DIDO1: variants seen among roughly 807,000 people sequenced by gnomAD.
The protein encoded by DIDO1 is death-inducer obliterator 1.
Under a neutral mutation model 99.4 loss-of-function variants are expected in DIDO1, and 16 were observed. The observed-to-expected ratio is 0.16, with a 90% CI of 0.11 to 0.24. The LOEUF is 0.24. DIDO1 is among the 10% of genes least tolerant of loss of function. The probability of loss-of-function intolerance (pLI) is 1.00; values close to 1 mark genes in which losing one functional copy is unlikely to be tolerated. For missense variants in DIDO1, 2,996 were observed against 3,014.0 expected (o/e 0.99, Z 0.14); for synonymous variants, 1,366 against 1,239.1 (o/e 1.10, Z -2.15).
intron 1 of DIDO1, among the ~76,000 whole-genome samples, chr20:62,923,375 C>T (rs2065192562): frequency 6.6e-6 from 1 of 152,066 alleles, no homozygotes; most frequent in Non-Finnish European, 1.5e-5. Flanking sequence ...TGGGGTTTCA[C>T]CATATTGGCC....
At chr20:62,900,977 C>T (rs1303831356) in intron 6 of DIDO1, among the ~76,000 whole-genome samples, 2 of 152,200 alleles carry the variant, frequency 1.3e-5, no homozygotes, top group Admixed American at 1.3e-4. Flanking sequence ...TCCTGCTTTA[C>T]CTGTTTCTTC....
Position 62,907,484 on chromosome 20 carries a change from C to A in DIDO1, c.1162-125G>T, listed in dbSNP as rs1226072270. On this transcript the variant is annotated intron_variant, in intron 4 of 15. Coordinates refer to ENST00000395343, the MANE Select transcript of DIDO1 (RefSeq NM_001193369.2). Reference sequence around the variant, plus strand: ...GTTTCAAAATGAGATACTAACAGTACTTTTAATATGAATAAACATTTTGTT... The same window carrying A: ...GTTTCAAAATGAGATACTAACAGTAATTTTAATATGAATAAACATTTTGTT... The A allele has an allele frequency of 3.8e-5, 34 of 890,224 alleles. No homozygotes were observed. In the East Asian group the frequency reaches 8.6e-4, roughly 23 times the overall value. The allele number at this position is 890,224 out of a possible 1,614,324, so 55.1% of individuals were successfully genotyped here. A position where few individuals can be genotyped will look rare whatever the true frequency, so the allele number is the denominator to read the frequency against.
At chr20:62,882,670 A>AG (rs1286271679) in intron 15 of DIDO1, among the ~76,000 whole-genome samples, 1 of 152,138 alleles carries the variant, frequency 6.6e-6, no homozygotes, top group Admixed American at 6.5e-5. Context: ...AGCCATGTGA[A>AG]GGGGGCGACT....
chr20:62,888,362 T>A (rs1236173819), intron 15 of DIDO1: 1 of 985,406 alleles, frequency 1.0e-6, no homozygotes, highest in African/African-American at 1.7e-5. Context: ...ATCAGTGCCC[T>A]GATGCAGACG....
chr20:62,919,392 T>C (rs182120799), intron 1 of DIDO1, among the ~76,000 whole-genome samples: 10 of 151,934 alleles, frequency 6.6e-5, no homozygotes, highest in South Asian at 4.2e-4. Flanking sequence ...ACACAAAAAT[T>C]AGCAGGGCTT....
chr20:62,885,317 T>C lies in DIDO1; in HGVS notation c.3542-2903A>G, dbSNP rs538644492. Among the ~76,000 whole-genome samples, 32 of 152,302 alleles carry C rather than the reference T, an allele frequency of 2.1e-4. 1 individual carries two copies. In the South Asian group the frequency reaches 6.6e-3, roughly 32 times the overall value. On this transcript the variant is annotated intron_variant, in intron 15 of 15. Transcript: ENST00000395343. ...TTACCTGGGGAAGCCTAGTGCTGAC[T>C]CTGACACAGAGGGGACATGCCACCC...
chr20:62,902,124 C>T (rs2064696385), intron 6 of DIDO1, among the ~76,000 whole-genome samples: 1 of 152,134 alleles, frequency 6.6e-6, no homozygotes, highest in South Asian at 2.1e-4. Context: ...AAAGGGGCAC[C>T]TGAGGGATGG....
chr20:62,881,471 C>T lies in DIDO1; in HGVS notation c.4485G>A (p.Glu1495=). The T allele has an allele frequency of 6.2e-7, 1 of 1,610,288 alleles. No individual in the cohort carries two copies. The highest frequency in any genetic ancestry group is 8.5e-7 in the Non-Finnish European group (1 of 1,180,000). The change falls in exon 16 of 16, where the codon GAG becomes GAA. Residue 1495 remains glutamate, a synonymous_variant. Coordinates refer to ENST00000395343, the MANE Select transcript of DIDO1 (RefSeq NM_001193369.2). This position sits in a 1 kb window ranked among gnomAD's most constrained non-coding sequence, Gnocchi z 8.3. The part of the protein sequence containing the change: ...QIEEQKRQLE[E]QEEALRQQRA... The stretch of plus-strand genomic sequence containing the variant: ...TCTGCTGCCTGAGAGCTTCTTCTTG[C>T]TCCTCCAGCTGTCTCTTCTGCTCCT...
chr20:62,915,035 C>G (rs1436151038), intron 1 of DIDO1, among the ~76,000 whole-genome samples: 1 of 152,182 alleles, frequency 6.6e-6, no homozygotes, highest in Non-Finnish European at 1.5e-5. Flanking sequence ...GAGTTTCTAG[C>G]TAGGTCCTTG....
In DIDO1 at chr20:62,881,065, G is replaced by A. The variant is rs1421633369; in HGVS notation, c.4891C>T (p.Gln1631Ter). 1.2e-6 allele frequency: 2 copies of A among 1,608,304 alleles called. No individual in the cohort carries two copies. Among genetic ancestry groups the A allele is most frequent in the South Asian group, 1.1e-5 (1 of 90,854 alleles). Residue 1631 changes from glutamine (Q) to a stop codon, truncating the protein, a stop_gained, in exon 16 of 16, where the codon CAG (glutamine) becomes TAG (stop). Coordinates refer to ENST00000395343, the MANE Select transcript of DIDO1 (RefSeq NM_001193369.2). LOFTEE classifies it low-confidence loss of function (END_TRUNC). The surrounding 1 kb of genome is among the most constrained non-coding windows in gnomAD (Gnocchi z 8.3). Reference sequence around the variant, plus strand: ...CCAGGCTCTGCCTTCCAGCCGTCCTGCTCGGACCCCGCTGGGGGCTTTTCG... The same window carrying A: ...CCAGGCTCTGCCTTCCAGCCGTCCTACTCGGACCCCGCTGGGGGCTTTTCG... ...SGEKPPAGSE[Q>*]DGWKAEPGEG... is the part of the protein sequence containing the mutation.
rs538776817 is a variant in DIDO1, at chr20:62,881,401, C to T, written c.4555G>A (p.Ala1519Thr). ...GACTTTGGTGGTGGAGACATCAAGG[C>T]GTCCGACACCGAGAAGTGGGCCATG... ...VSMAHFSVSDALMSPPPKSSL... is the reference protein window; with the variant it reads ...VSMAHFSVSDTLMSPPPKSSL... The change falls in exon 16 of 16, where the codon GCC becomes ACC. Residue 1519 changes from alanine (A) to threonine (T), a missense_variant. Around this residue, in one of 5 missense-constraint regions of DIDO1, gnomAD observed 1,562 missense variants for 1,412.6 expected, o/e 1.11. Transcript: ENST00000395343. This position sits in a 1 kb window ranked among gnomAD's most constrained non-coding sequence, Gnocchi z 8.3. 13 of 1,607,028 alleles carry T rather than the reference C, an allele frequency of 8.1e-6. No individual in the cohort carries two copies. In the South Asian group the frequency reaches 9.9e-5, roughly 12 times the overall value.
intron 1 of DIDO1, among the ~76,000 whole-genome samples, chr20:62,925,390 GA>G (rs2065232521): frequency 1.6e-4 from 24 of 152,284 alleles, no homozygotes; most frequent in Admixed American, 1.6e-3. Context: ...TGGCCCTACG[GA>G]AACCATGGAA....
intron 1 of DIDO1, among the ~76,000 whole-genome samples, chr20:62,924,652 C>G (rs1022801444): frequency 7.9e-5 from 12 of 152,190 alleles, no homozygotes; most frequent in African/African-American, 2.4e-4. Context: ...GAAACCCCAG[C>G]ACCCTCCAAG....
intron 2 of DIDO1, among the ~76,000 whole-genome samples, chr20:62,913,662 T>TG (rs1189160606): frequency 1.4e-4 from 22 of 152,254 alleles, no homozygotes; most frequent in African/African-American, 4.1e-4. Flanking sequence ...ATGCAACACT[T>TG]GGAGTTTCTA....
intron 14 of DIDO1, among the ~76,000 whole-genome samples, chr20:62,891,581 G>A (rs1021587032): frequency 6.6e-6 from 1 of 152,138 alleles, no homozygotes; most frequent in African/African-American, 2.4e-5. Context: ...CAGGTTGAGT[G>A]CCCTGAGCCT....
At chr20:62,903,950 C>A (rs568854525) in intron 6 of DIDO1, among the ~76,000 whole-genome samples, 2 of 152,178 alleles carry the variant, frequency 1.3e-5, no homozygotes, top group Non-Finnish European at 2.9e-5. Context: ...AGGAGGCAGG[C>A]AGGAAGCAAT....
At chr20:62,922,694 C>A (rs2273416) in intron 1 of DIDO1, among the ~76,000 whole-genome samples, 1 of 152,204 alleles carries the variant, frequency 6.6e-6, no homozygotes, top group Non-Finnish European at 1.5e-5. Context: ...GTGCAACAGA[C>A]GGTAGGTGCC....
In DIDO1 at chr20:62,879,247, CG is replaced by C; in HGVS notation, c.6708del (p.Ala2237ProfsTer37). The C allele has an allele frequency of 6.5e-7, 1 of 1,533,264 alleles. No individual in the cohort carries two copies. The highest frequency in any genetic ancestry group is 8.7e-7 in the Non-Finnish European group (1 of 1,145,018). 95.0% of individuals were successfully genotyped at this position (1,533,264 alleles called of 1,614,324 possible). On this transcript the variant is annotated frameshift_variant, in exon 16 of 16. Transcript: ENST00000395343. LOFTEE classifies it high-confidence loss of function. The surrounding 1 kb of genome is among the most constrained non-coding windows in gnomAD (Gnocchi z 6.3). ...GGCCGGGGCGTCTAGGCCTGCGAGG[CG>C]GTGCCAGCGTCGGAGGCCCTCGAGG... ...PEASRASDAG[T>X]ASQA is the part of the protein sequence containing the mutation.
chr20:62,893,626 A>G, intron 12 of DIDO1, 40 bp downstream of exon 12: 1 of 1,515,560 alleles, frequency 6.6e-7, no homozygotes, highest in Middle Eastern at 1.8e-4. Flanking sequence ...TAATCTAAAA[A>G]AAAAGTTTGG....
Sources: gnomAD v4.1 joint callset for allele counts (sites outside exome capture counted in the v4.1 genomes callset) on GRCh38, gnomAD v4.1.1 for gene constraint, gnomAD v4.1.1 regional missense constraint, Gnocchi (gnomAD v3.1) non-coding constraint, MANE v1.5 for transcripts, NCBI Gene and HGNC (gene_info 2026-07-23, HGNC 2026-07-21) for gene names.